Variants in THSD7B observed in about 807,000 individuals in gnomAD.
THSD7B encodes thrombospondin type-1 domain-containing protein 7B.
THSD7B carries 138 observed loss-of-function variants against 213.6 expected under a neutral mutation model. The observed-to-expected ratio is 0.65, with a 90% CI of 0.56 to 0.74. The LOEUF (loss-of-function observed/expected upper bound fraction) is 0.74. Ranked by LOEUF, THSD7B falls within the 30% of genes least tolerant of loss-of-function variation. The probability of loss-of-function intolerance (pLI) is 0.00; values close to 1 mark genes in which losing one functional copy is unlikely to be tolerated. For missense variants in THSD7B, 1,931 were observed against 1,991.5 expected (o/e 0.97, Z 0.58); for synonymous variants, 742 against 687.0 (o/e 1.08, Z -1.25).
chr2:137,518,561 G>A (rs1680118493), intron 15 of THSD7B, among the ~76,000 whole-genome samples: 1 of 152,194 alleles, frequency 6.6e-6, no homozygotes, highest in African/African-American at 2.4e-5. Context: ...GTCAAAAACT[G>A]TGAAGATATT....
At chr2:137,192,529 C>G (rs966082226) in intron 7 of THSD7B, among the ~76,000 whole-genome samples, 4 of 152,048 alleles carry the variant, frequency 2.6e-5, no homozygotes, top group Non-Finnish European at 5.9e-5. Context: ...AGGGAAAATT[C>G]TAAGTAGAAA....
intron 20 of THSD7B, among the ~76,000 whole-genome samples, chr2:137,638,872 G>A (rs1682884308): frequency 6.6e-6 from 1 of 152,124 alleles, no homozygotes; most frequent in African/African-American, 2.4e-5. Context: ...TAGGGTACCT[G>A]GTGGAAGAAA....
At chr2:137,442,179 A>G (rs1459843868) in intron 14 of THSD7B, among the ~76,000 whole-genome samples, 3 of 152,100 alleles carry the variant, frequency 2.0e-5, no homozygotes, top group Admixed American at 2.0e-4. Flanking sequence ...CCTTTTTTAA[A>G]TAATAAATTA....
intron 14 of THSD7B, among the ~76,000 whole-genome samples, chr2:137,412,396 T>C (rs530719164): frequency 6.7e-6 from 1 of 148,866 alleles, no homozygotes; most frequent in South Asian, 2.1e-4. Flanking sequence ...AGGTCAGGAG[T>C]TTAAGACCAG....
At chr2:136,935,623 T>A (rs1684710405) in intron 2 of THSD7B, among the ~76,000 whole-genome samples, 1 of 152,052 alleles carries the variant, frequency 6.6e-6, no homozygotes, top group East Asian at 1.9e-4. Flanking sequence ...CATTAGTATA[T>A]TGAGATTCAG....
chr2:136,935,782 C>T (rs1421951959), intron 2 of THSD7B, among the ~76,000 whole-genome samples: 1 of 151,722 alleles, frequency 6.6e-6, no homozygotes, highest in African/African-American at 2.4e-5. Flanking sequence ...AAAGAGTGTG[C>T]TCTGTGAAGG....
At chr2:136,814,710 T>C (rs1682442686) in intron 1 of THSD7B, among the ~76,000 whole-genome samples, 1 of 152,182 alleles carries the variant, frequency 6.6e-6, no homozygotes, top group Admixed American at 6.5e-5. Context: ...TAATTTTTTA[T>C]ATATGCAAAG....
chr2:136,837,132 G>A (rs1403595987), intron 1 of THSD7B, among the ~76,000 whole-genome samples: 6 of 152,162 alleles, frequency 3.9e-5, no homozygotes, highest in African/African-American at 1.2e-4. Context: ...GTCTGTATTC[G>A]ATCCTCTATA....
At chr2:137,356,158 G>A (rs1422579111) in intron 12 of THSD7B, among the ~76,000 whole-genome samples, 1 of 152,042 alleles carries the variant, frequency 6.6e-6, no homozygotes, top group African/African-American at 2.4e-5. Flanking sequence ...TTTGGTCAAG[G>A]GTGCATCACG....
intron 5 of THSD7B, among the ~76,000 whole-genome samples, chr2:137,133,349 G>T (rs920679974): frequency 6.6e-6 from 1 of 152,290 alleles, no homozygotes; most frequent in East Asian, 1.9e-4. Flanking sequence ...AAGAGGAGGA[G>T]GTTAGGCAAA....
intron 12 of THSD7B, among the ~76,000 whole-genome samples, chr2:137,361,884 A>G (rs917189723): frequency 6.6e-6 from 1 of 152,126 alleles, no homozygotes; most frequent in East Asian, 1.9e-4. Context: ...TACAGAGAAC[A>G]CCACAAAGAT....
intron 7 of THSD7B, among the ~76,000 whole-genome samples, chr2:137,210,556 A>T (rs1316836624): frequency 1.3e-5 from 2 of 152,012 alleles, no homozygotes; most frequent in South Asian, 4.1e-4. Flanking sequence ...TCAAGGACAA[A>T]TCTCTTTGTA....
At chr2:137,482,187 CAAA>C (rs5834555) in intron 15 of THSD7B, among the ~76,000 whole-genome samples, 64 of 132,614 alleles carry the variant, frequency 4.8e-4, no homozygotes, top group Non-Finnish European at 6.3e-4. Flanking sequence ...CCCTCCCCAC[CAAA>C]AAAAAAAAAA....
intron 2 of THSD7B, among the ~76,000 whole-genome samples, chr2:136,941,524 CCTGA>C (rs1684826861): frequency 6.6e-6 from 1 of 152,136 alleles, no homozygotes; most frequent in Non-Finnish European, 1.5e-5. Flanking sequence ...TCTGTTGTTT[CCTGA>C]CTTTTTAATG....
intron 1 of THSD7B, among the ~76,000 whole-genome samples, chr2:136,865,714 G>T (rs77563453): frequency 0.013 from 1,960 of 152,324 alleles, 45 homozygotes; most frequent in African/African-American, 0.045. Flanking sequence ...GTTGAGGGAA[G>T]ATAGTACCAT....
At chr2:137,068,572 A>G (rs528446574) in intron 3 of THSD7B, among the ~76,000 whole-genome samples, 1 of 152,212 alleles carries the variant, frequency 6.6e-6, no homozygotes, top group East Asian at 1.9e-4. Context: ...AAAAGGCTCA[A>G]ATTAATCTCT....
chr2:137,675,521 T>C (rs1013055770), intron 27 of THSD7B, among the ~76,000 whole-genome samples: 4 of 150,408 alleles, frequency 2.7e-5, no homozygotes, highest in Non-Finnish European at 5.9e-5. Context: ...GTTCTGCCAC[T>C]CACTCAGTGA....
intron 2 of THSD7B, among the ~76,000 whole-genome samples, chr2:137,046,112 A>G (rs568471328): frequency 1.1e-4 from 16 of 152,158 alleles, no homozygotes; most frequent in African/African-American, 3.6e-4. Context: ...TCTGCTGCCT[A>G]TGATGCTACT....
intron 17 of THSD7B, among the ~76,000 whole-genome samples, chr2:137,598,260 T>G (rs1682002974): frequency 6.6e-6 from 1 of 152,214 alleles, no homozygotes. Context: ...GCCAATATGC[T>G]AAGAAATCCT....
Sources: gnomAD v4.1 joint callset for allele counts (sites outside exome capture counted in the v4.1 genomes callset) on GRCh38, gnomAD v4.1.1 for gene constraint, MANE v1.5 for transcripts, NCBI Gene and HGNC (gene_info 2026-07-23, HGNC 2026-07-21) for gene names.